NCEH1: variants seen among roughly 807,000 people sequenced by gnomAD.
The protein encoded by NCEH1 is neutral cholesterol ester hydrolase 1, also known as 2-acetyl MAGE hydrolase.
Under a neutral mutation model 25.4 loss-of-function variants are expected in NCEH1, and 9 were observed. That is an observed-to-expected ratio of 0.35 (90% CI 0.21 to 0.62). The LOEUF is 0.62. Ranked by LOEUF, NCEH1 falls within the 20% of genes least tolerant of loss-of-function variation. The probability of loss-of-function intolerance (pLI) is 0.72; values close to 1 mark genes in which losing one functional copy is unlikely to be tolerated. For missense variants in NCEH1, 412 were observed against 501.1 expected (o/e 0.82, Z 1.70); for synonymous variants, 200 against 199.8 (o/e 1.00, Z -0.01).
At chr3:172,690,519 T>C (rs1454390742) in intron 1 of NCEH1, among the ~76,000 whole-genome samples, 3 of 152,228 alleles carry the variant, frequency 2.0e-5, no homozygotes, top group African/African-American at 2.4e-5. Flanking sequence ...AAATATGTAA[T>C]AGGACCTGCA....
intron 1 of NCEH1, among the ~76,000 whole-genome samples, chr3:172,705,797 AAC>A (rs1472123710): frequency 6.6e-6 from 1 of 152,008 alleles, no homozygotes; most frequent in Non-Finnish European, 1.5e-5. Flanking sequence ...AGGAGTTCAA[AAC>A]CAGCCTGACC....
chr3:172,685,724 C>T (rs1712662109), intron 1 of NCEH1, among the ~76,000 whole-genome samples: 1 of 152,192 alleles, frequency 6.6e-6, no homozygotes, highest in South Asian at 2.1e-4. Flanking sequence ...TCCCACTCTT[C>T]TGTTCCATCT....
In NCEH1 at chr3:172,645,697, A is replaced by C. The variant is rs762111422; in HGVS notation, c.368-5T>G. On this transcript the variant is annotated splice_polypyrimidine_tract_variant and splice_region_variant and intron_variant, in intron 2 of 4. Coordinates refer to ENST00000475381, the MANE Select transcript of NCEH1 (RefSeq NM_020792.6). ...GCTCATCATAATACCTGATTTCTAA[A>C]AGACACAAAGGGAACAATCATTACA... 2 of 1,572,190 alleles carry C rather than the reference A, an allele frequency of 1.3e-6. No individual in the cohort carries two copies. The highest frequency in any genetic ancestry group is 1.7e-6 in the Non-Finnish European group (2 of 1,152,154).
chr3:172,636,185 A>G (rs1294299484), intron 3 of NCEH1, 98 bp from the exon 4 acceptor site: 15 of 684,332 alleles, frequency 2.2e-5, no homozygotes, highest in Middle Eastern at 5.1e-4. Flanking sequence ...CTGGAAATAG[A>G]TAAGAAATTA....
chr3:172,637,583 T>A (rs1430095472), intron 3 of NCEH1, among the ~76,000 whole-genome samples: 2 of 150,682 alleles, frequency 1.3e-5, no homozygotes, highest in African/African-American at 4.9e-5. Flanking sequence ...TGAAACCCCA[T>A]CTCTACTAAA....
Position 172,648,081 on chromosome 3 carries a change from G to C in NCEH1, c.172C>G (p.His58Asp), listed in dbSNP as rs762841949. The change falls in exon 2 of 5, where the codon CAC becomes GAC. Residue 58 changes from histidine (H) to aspartate (D), a missense_variant. Coordinates refer to ENST00000475381, the MANE Select transcript of NCEH1 (RefSeq NM_020792.6). Reference protein sequence around the residue: ...NLIHYLGLSHHLLALNFIIVS... With the variant: ...NLIHYLGLSHDLLALNFIIVS... Reference sequence around the variant, plus strand: ...ATGATAAAATTCAGTGCCAGCAGGTGATGGCTCAGTCCCAGGTAGTGGATC... The same window carrying C: ...ATGATAAAATTCAGTGCCAGCAGGTCATGGCTCAGTCCCAGGTAGTGGATC... 6.2e-7 allele frequency: 1 copy of C among 1,614,006 alleles called. No individual in the cohort carries two copies. The highest frequency in any genetic ancestry group is 1.7e-5 in the Admixed American group (1 of 59,992).
chr3:172,646,435 T>C (rs1256679306), intron 2 of NCEH1, among the ~76,000 whole-genome samples: 1 of 152,202 alleles, frequency 6.6e-6, no homozygotes. Context: ...TTGAAGAATA[T>C]GGTATTTTCT....
chr3:172,653,744 GTTT>G (rs796835886), intron 1 of NCEH1, among the ~76,000 whole-genome samples: 1 of 95,676 alleles, frequency 1.0e-5, no homozygotes, highest in African/African-American at 4.2e-5. Context: ...TGTTTTTTTT[GTTT>G]TTTTGTTTTT....
intron 3 of NCEH1, among the ~76,000 whole-genome samples, chr3:172,640,018 G>A (rs912209665): frequency 3.3e-5 from 5 of 152,190 alleles, no homozygotes; most frequent in Non-Finnish European, 5.9e-5. Flanking sequence ...CCCAAGCCCC[G>A]AATGACACCA....
At chr3:172,682,302 C>CA (rs1302514235) in intron 1 of NCEH1, among the ~76,000 whole-genome samples, 1 of 152,164 alleles carries the variant, frequency 6.6e-6, no homozygotes, top group Non-Finnish European at 1.5e-5. Flanking sequence ...CTAAGACTTC[C>CA]AGTTTATCTA....
At chr3:172,702,969 G>A (rs189211717) in intron 1 of NCEH1, among the ~76,000 whole-genome samples, 1 of 152,292 alleles carries the variant, frequency 6.6e-6, no homozygotes, top group East Asian at 1.9e-4. Flanking sequence ...CCCTGCCTGG[G>A]TGACAGAGCA....
chr3:172,656,156 GAAGA>G (rs950168943), intron 1 of NCEH1, among the ~76,000 whole-genome samples: 4 of 152,138 alleles, frequency 2.6e-5, no homozygotes, highest in African/African-American at 7.2e-5. Context: ...AGCAGGAGTT[GAAGA>G]AAGAGAGAGA....
intron 1 of NCEH1, among the ~76,000 whole-genome samples, chr3:172,707,734 T>G (rs535936131): frequency 1.3e-5 from 2 of 152,150 alleles, no homozygotes; most frequent in African/African-American, 4.8e-5. Flanking sequence ...TACAGGAGCC[T>G]GCCACCACGC....
intron 1 of NCEH1, among the ~76,000 whole-genome samples, chr3:172,668,847 G>A (rs1433939709): frequency 1.3e-5 from 2 of 152,084 alleles, no homozygotes; most frequent in African/African-American, 2.4e-5. Flanking sequence ...CAGAGCGTGA[G>A]CAAGCTAAAT....
At position 172,633,663 on chromosome 3, in the gene NCEH1, G is replaced by A. The variant is rs749735755; in HGVS notation, c.1039C>T (p.His347Tyr). 1.2e-6 allele frequency: 2 copies of A among 1,614,164 alleles called. No individual in the cohort carries two copies. The highest frequency in any genetic ancestry group is 1.1e-5 in the South Asian group (1 of 91,084). ...LPKTYILTCE[H>Y]DVLRDDGIMY... ...ATGCCATCGTCTCTGAGGACATCATGCTCACACGTCAGAATGTAGGTCTTT... is the reference window on the plus strand; with the variant it reads ...ATGCCATCGTCTCTGAGGACATCATACTCACACGTCAGAATGTAGGTCTTT... Residue 347 changes from histidine (H) to tyrosine (Y), a missense_variant, in exon 5 of 5, where the codon CAT (histidine) becomes TAT (tyrosine). Transcript: ENST00000475381.
At chr3:172,653,739 T>TTTTG (rs1553830306) in intron 1 of NCEH1, among the ~76,000 whole-genome samples, 6 of 69,710 alleles carry the variant, frequency 8.6e-5, no homozygotes, top group African/African-American at 3.5e-4. Context: ...TGTTCTGTTT[T>TTTTG]TTTTGTTTTT....
chr3:172,646,890 C>T (rs1378678274), intron 2 of NCEH1, among the ~76,000 whole-genome samples: 1 of 152,162 alleles, frequency 6.6e-6, no homozygotes, highest in Non-Finnish European at 1.5e-5. Flanking sequence ...TACACCCGAG[C>T]ACACCTTAGA....
intron 1 of NCEH1, among the ~76,000 whole-genome samples, chr3:172,686,827 C>T (rs1294567543): frequency 6.6e-6 from 1 of 152,206 alleles, no homozygotes; most frequent in Non-Finnish European, 1.5e-5. Context: ...CTTTCTCACA[C>T]CAAGTTTTCC....
chr3:172,680,336 G>C (rs953792266), intron 1 of NCEH1, among the ~76,000 whole-genome samples: 2 of 152,148 alleles, frequency 1.3e-5, no homozygotes, highest in African/African-American at 4.8e-5. Flanking sequence ...TCTCAGGCTT[G>C]AATGGTCCCT....
Sources: gnomAD v4.1 joint callset for allele counts (sites outside exome capture counted in the v4.1 genomes callset) on GRCh38, gnomAD v4.1.1 for gene constraint, MANE v1.5 for transcripts, NCBI Gene and HGNC (gene_info 2026-07-23, HGNC 2026-07-21) for gene names.